The following MAST2 variants were observed in gnomAD, a reference collection of about 807,000 sequenced individuals.
MAST2 encodes the protein microtubule associated serine/threonine kinase 2.
Under a neutral mutation model 147.4 loss-of-function variants are expected in MAST2, and 70 were observed. The observed-to-expected ratio is 0.47, with a 90% confidence interval of 0.39 to 0.58. MAST2 has a LOEUF of 0.58. Ranked by LOEUF, MAST2 falls within the 20% of genes least tolerant of loss-of-function variation. The pLI is 0.00. For synonymous variants in MAST2, 869 were observed against 896.8 expected, an observed-to-expected ratio of 0.97 and a Z score of 0.55; for missense variants, 2,080 against 2,302.3, an observed-to-expected ratio of 0.90 and a Z score of 1.98.
chr1:46,020,788 G>A (rs1416809116), intron 11 of MAST2, among the ~76,000 whole-genome samples: 1 of 152,178 alleles, frequency 6.6e-6, no homozygotes, highest in Non-Finnish European at 1.5e-5. Flanking sequence ...CCATGTTTCT[G>A]TGTGGTTTCT....
intron 1 of MAST2, among the ~76,000 whole-genome samples, chr1:45,816,408 A>C (rs1010041291): frequency 6.6e-6 from 1 of 152,144 alleles, no homozygotes; most frequent in Non-Finnish European, 1.5e-5. Flanking sequence ...CACCAAACAA[A>C]CTACGTAAGG....
intron 4 of MAST2, among the ~76,000 whole-genome samples, chr1:45,908,372 G>T (rs1019847904): frequency 6.6e-6 from 1 of 151,928 alleles, no homozygotes; most frequent in Non-Finnish European, 1.5e-5. Context: ...TTAATGCAGA[G>T]GTATGGATTA....
intron 4 of MAST2, among the ~76,000 whole-genome samples, chr1:45,886,681 G>GTATC (rs762786857): frequency 3.9e-5 from 6 of 152,130 alleles, no homozygotes; most frequent in Non-Finnish European, 7.4e-5. Context: ...AAAGTTACTT[G>GTATC]TATCTGTTTA....
intron 3 of MAST2, among the ~76,000 whole-genome samples, chr1:45,850,742 C>G (rs560922268): frequency 6.6e-6 from 1 of 151,656 alleles, no homozygotes; most frequent in African/African-American, 2.4e-5. Context: ...GTTGACTTTG[C>G]TAAAGATCAG....
At position 45,862,631 on chromosome 1, in the gene MAST2, G is replaced by T. The variant is rs193214205; in HGVS notation, c.469-19733G>T. On this transcript the variant is annotated intron_variant, in intron 3 of 28. Coordinates refer to ENST00000361297, the MANE Select transcript of MAST2 (RefSeq NM_015112.3). ...ATTACAGCTGCCTGCCATCATGCCT[G>T]GCTAATTTTTGTATTTTTAGTAGAA... is the stretch of plus-strand genomic sequence containing the variant. Among the ~76,000 whole-genome samples, 306 of 152,058 alleles carry T rather than the reference G, an allele frequency of 2.0e-3. 1 individual carries two copies. The highest frequency in any genetic ancestry group is 6.5e-3 in the African/African-American group (270 of 41,470).
chr1:45,851,915 T>C (rs1645634151), intron 3 of MAST2, among the ~76,000 whole-genome samples: 1 of 152,158 alleles, frequency 6.6e-6, no homozygotes, highest in Admixed American at 6.5e-5. Flanking sequence ...CATGCATTTA[T>C]AGGGAGATAC....
At chr1:45,955,576 C>T (rs934675708) in intron 4 of MAST2, among the ~76,000 whole-genome samples, 1 of 151,890 alleles carries the variant, frequency 6.6e-6, no homozygotes, top group African/African-American at 2.4e-5. Context: ...ATAGAATGAT[C>T]GGGGAAAATT....
chr1:45,984,396 T>G (rs1023424718), intron 5 of MAST2, among the ~76,000 whole-genome samples: 3 of 151,886 alleles, frequency 2.0e-5, no homozygotes, highest in African/African-American at 7.3e-5. Flanking sequence ...GTTGACCTCC[T>G]GGGCTCAAGT....
intron 3 of MAST2, among the ~76,000 whole-genome samples, chr1:45,870,746 A>G (rs1646351278): frequency 6.6e-6 from 1 of 151,262 alleles, no homozygotes; most frequent in Admixed American, 6.6e-5. Context: ...ACATGGTGAG[A>G]TGTCTGTACA....
chr1:45,865,314 A>G (rs762442085), intron 3 of MAST2, among the ~76,000 whole-genome samples: 1 of 152,150 alleles, frequency 6.6e-6, no homozygotes, highest in Non-Finnish European at 1.5e-5. Context: ...CTTATCTAAA[A>G]TCTTGCTATT....
chr1:46,029,658 G>A (rs1342283421), intron 19 of MAST2, 91 bp downstream of exon 19: 79 of 1,397,780 alleles, frequency 5.7e-5, no homozygotes, highest in East Asian at 3.5e-4. Flanking sequence ...CTTCGGTTAC[G>A]GGCAGCCCCT....
At chr1:45,958,395 C>G (rs1333706136) in intron 4 of MAST2, among the ~76,000 whole-genome samples, 1 of 152,116 alleles carries the variant, frequency 6.6e-6, no homozygotes, top group African/African-American at 2.4e-5. Context: ...CTCTGCCTCT[C>G]AGCTCTACTT....
chr1:45,818,571 A>C (rs1017434281), intron 1 of MAST2, among the ~76,000 whole-genome samples: 1 of 152,206 alleles, frequency 6.6e-6, no homozygotes. Context: ...TCAAATGCTG[A>C]ATGACTGTAG....
chr1:45,998,280 G>A (rs1014856956), intron 6 of MAST2, among the ~76,000 whole-genome samples: 13 of 152,274 alleles, frequency 8.5e-5, no homozygotes, highest in Non-Finnish European at 1.6e-4. Context: ...AGTTCGTTTG[G>A]GGGATAAAGA....
rs753784078 is a variant in MAST2, at chr1:46,031,408, C to T, written c.3010C>T (p.Arg1004Cys). 21 of 1,613,062 alleles carry T rather than the reference C, an allele frequency of 1.3e-5. No individual in the cohort carries two copies. In the East Asian group the frequency reaches 3.6e-4, roughly 27 times the overall value. ...GCCTACAGCTATGGAGACCCGAGGC[C>T]GTGGGACCTCACAGCTGGCTGAGGG... is the stretch of plus-strand genomic sequence containing the variant. Reference protein sequence around the residue: ...GSSPAMETRGRGTSQLAEGAT... With the variant: ...GSSPAMETRGCGTSQLAEGAT... The change falls in exon 24 of 29, where the codon CGT (arginine) becomes TGT (cysteine). Residue 1004 changes from arginine (R) to cysteine (C), a missense_variant. Physicochemically the swap from Arg to Cys is radical, Grantham distance 180 (BLOSUM62 -3). Around this residue, in one of 4 missense-constraint regions of MAST2, gnomAD observed 1,278 missense variants for 1,304.2 expected, o/e 0.98. Coordinates refer to ENST00000361297, the MANE Select transcript of MAST2 (RefSeq NM_015112.3). The surrounding 1 kb of genome is among the most constrained non-coding windows in gnomAD (Gnocchi z 4.1).
At chr1:45,919,563 C>T (rs912308992) in intron 4 of MAST2, among the ~76,000 whole-genome samples, 1 of 152,188 alleles carries the variant, frequency 6.6e-6, no homozygotes, top group African/African-American at 2.4e-5. Context: ...CAGTTTGGGA[C>T]AGTGATAGAC....
chr1:45,827,555 G>A (rs1644830895), intron 2 of MAST2, among the ~76,000 whole-genome samples: 1 of 152,112 alleles, frequency 6.6e-6, no homozygotes, highest in African/African-American at 2.4e-5. Flanking sequence ...AAGTAGGCAG[G>A]TCATCTGGAG....
intron 4 of MAST2, among the ~76,000 whole-genome samples, chr1:45,889,261 G>A (rs1368896892): frequency 2.6e-5 from 4 of 151,912 alleles, no homozygotes; most frequent in African/African-American, 9.7e-5. Flanking sequence ...TCACGGCTCA[G>A]TGCAGCCCCA....
chr1:45,858,431 A>C (rs1367686043), intron 3 of MAST2, among the ~76,000 whole-genome samples: 2 of 151,882 alleles, frequency 1.3e-5, no homozygotes, highest in East Asian at 3.9e-4. Context: ...GTGTCTGTTC[A>C]TATCCTTTGC....
Sources: allele counts gnomAD v4.1 joint callset (sites outside exome capture counted in the v4.1 genomes callset), GRCh38; gene constraint gnomAD v4.1.1; regional missense constraint gnomAD v4.1.1; non-coding constraint Gnocchi (gnomAD v3.1); transcripts MANE v1.5; gene names NCBI Gene and HGNC (gene_info 2026-07-23, HGNC 2026-07-21).